The following DNAH11 variants were observed in gnomAD, a reference collection of about 807,000 sequenced individuals.
DNAH11 encodes the protein dynein axonemal heavy chain 11.
Under a neutral mutation model 526.0 loss-of-function variants are expected in DNAH11, and 442 were observed. The ratio of observed to expected loss-of-function variants is 0.84; its 90% CI spans 0.78 to 0.91. The LOEUF (loss-of-function observed/expected upper bound fraction) is 0.91. Among genes scored for constraint, DNAH11 ranks in the 40% least tolerant of loss-of-function variants. The pLI is 0.00. For missense variants in DNAH11, 6,989 were observed against 5,448.7 expected (o/e 1.28, Z -8.90); for synonymous variants, 2,461 against 1,935.9 (o/e 1.27, Z -7.12).
intron 23 of DNAH11, chr7:21,618,293 C>T (rs1466679169): frequency 6.6e-6 from 1 of 152,540 alleles, no homozygotes; most frequent in Admixed American, 6.5e-5. Context: ...GGCATTTGGT[C>T]CTCTTATGCA....
chr7:21,726,380 C>A (rs1191454628), intron 45 of DNAH11, among the ~76,000 whole-genome samples: 1 of 152,126 alleles, frequency 6.6e-6, no homozygotes, highest in African/African-American at 2.4e-5. Context: ...GATTACAATT[C>A]AACATGAGAT....
intron 40 of DNAH11, among the ~76,000 whole-genome samples, chr7:21,709,114 GAC>G (rs1784372238): frequency 6.6e-6 from 1 of 152,142 alleles, no homozygotes; most frequent in African/African-American, 2.4e-5. Flanking sequence ...CTACCAAAAA[GAC>G]ACATTCACTC....
chr7:21,744,195 T>C (rs1266406616), intron 49 of DNAH11, among the ~76,000 whole-genome samples: 1 of 152,240 alleles, frequency 6.6e-6, no homozygotes, highest in Non-Finnish European at 1.5e-5. Flanking sequence ...ATTTAGTGCC[T>C]GTGCTGGCAC....
At position 21,803,677 on chromosome 7, in the gene DNAH11, A is replaced by G. The variant is rs532920266; in HGVS notation, c.10165+2402A>G. The stretch of plus-strand genomic sequence containing the variant: ...GTCTGGAAAAGTGGGGAATGGGGCT[A>G]TCATCATTGAAGTCTGGAAAAGTGG... On this transcript the variant is annotated intron_variant, in intron 62 of 81. Coordinates refer to ENST00000409508, the MANE Select transcript of DNAH11 (RefSeq NM_001277115.2). Among the ~76,000 whole-genome samples the G allele has an allele frequency of 7.8e-4, 107 of 137,488 alleles. 3 individuals are homozygous for G. The highest frequency in any genetic ancestry group is 8.8e-4 in the Non-Finnish European group (56 of 63,586). 90.2% of individuals were successfully genotyped at this position (137,488 alleles called of 152,430 possible).
chr7:21,719,934 G>A (rs1344887246), intron 43 of DNAH11, among the ~76,000 whole-genome samples: 2 of 152,184 alleles, frequency 1.3e-5, no homozygotes, highest in Non-Finnish European at 2.9e-5. Context: ...CCCAGAACCT[G>A]TTCATTACTG....
chr7:21,631,490 A>G (rs1034625471), intron 25 of DNAH11, among the ~76,000 whole-genome samples: 25 of 152,236 alleles, frequency 1.6e-4, no homozygotes. Context: ...AAAGCAAGTT[A>G]GTTACTTCCT....
At chr7:21,710,853 A>G in intron 41 of DNAH11, 150 bp downstream of exon 41, 3 of 831,346 alleles carry the variant, frequency 3.6e-6, no homozygotes, top group Non-Finnish European at 5.2e-6. Flanking sequence ...TTTCCTGATA[A>G]TTTTCTTAAT....
chr7:21,786,789 A>G (rs1429179227), intron 59 of DNAH11, 22 bp downstream of exon 59: 2 of 1,612,762 alleles, frequency 1.2e-6, no homozygotes. Context: ...GCCTGGCAAG[A>G]TGAAAATCCT....
At chr7:21,710,981 G>A (rs1309406188) in intron 41 of DNAH11, among the ~76,000 whole-genome samples, 1 of 152,146 alleles carries the variant, frequency 6.6e-6, no homozygotes, top group Non-Finnish European at 1.5e-5. Flanking sequence ...CACTTTCTAA[G>A]AGGTAGCCGT....
intron 20 of DNAH11, among the ~76,000 whole-genome samples, chr7:21,611,474 A>T (rs925936253): frequency 6.6e-6 from 1 of 152,030 alleles, no homozygotes; most frequent in Non-Finnish European, 1.5e-5. Flanking sequence ...AACTTCCCTC[A>T]TGTATCTATT....
At chr7:21,850,732 T>C (rs115749479) in intron 66 of DNAH11, among the ~76,000 whole-genome samples, 175 of 151,586 alleles carry the variant, frequency 1.2e-3, no homozygotes, top group African/African-American at 3.9e-3. Flanking sequence ...TAGTGTGAGG[T>C]TTTATGTTTC....
In DNAH11 at chr7:21,558,170, G is replaced by A. The variant is rs115124218; in HGVS notation, c.496-632G>A. Reference sequence around the variant, plus strand: ...AAAAATGAAAAAATGTTTAAAATGAGTAGATACTTGAAGGGAAAGCAAGAA... The same window carrying A: ...AAAAATGAAAAAATGTTTAAAATGAATAGATACTTGAAGGGAAAGCAAGAA... On this transcript the variant is annotated intron_variant, in intron 2 of 81. Coordinates refer to ENST00000409508, the MANE Select transcript of DNAH11 (RefSeq NM_001277115.2). 5.9e-3 allele frequency among the ~76,000 whole-genome samples: 893 copies of A among 152,248 alleles called. 5 individuals are homozygous for A. Among genetic ancestry groups the A allele is most frequent in the African/African-American group, 0.02 (839 of 41,556 alleles).
intron 63 of DNAH11, among the ~76,000 whole-genome samples, chr7:21,813,330 A>G (rs944605053): frequency 2.0e-5 from 3 of 152,234 alleles, no homozygotes; most frequent in African/African-American, 7.2e-5. Flanking sequence ...GTTATTAGTT[A>G]TTAATTAGTT....
intron 67 of DNAH11, 65 bp from the exon 68 acceptor site, chr7:21,854,250 C>T (rs1055869390): frequency 9.1e-6 from 14 of 1,545,652 alleles, no homozygotes; most frequent in African/African-American, 2.8e-5. Flanking sequence ...TCCTTCCATT[C>T]CTTGGATATG....
Position 21,707,682 on chromosome 7 carries a change from T to G in DNAH11, c.6547-17T>G, listed in dbSNP as rs767684965. ...TGTTAGTATTAATTTTTTTGGCTCT[T>G]TCCTCCTTCCCCTCAGATTTTGAGA... On this transcript the variant is annotated splice_polypyrimidine_tract_variant and intron_variant, in intron 39 of 81. Transcript: ENST00000409508. The G allele has an allele frequency of 6.2e-7, 1 of 1,601,666 alleles. No individual in the cohort carries two copies.
At chr7:21,601,737 G>A (rs1003804300) in intron 18 of DNAH11, 119 bp downstream of exon 18, 4 of 696,174 alleles carry the variant, frequency 5.7e-6, no homozygotes, top group African/African-American at 3.7e-5. Flanking sequence ...CACATTTGAT[G>A]TTTTCAATTT....
At chr7:21,768,418 G>A (rs10268330) in intron 55 of DNAH11, among the ~76,000 whole-genome samples, 19,399 of 152,210 alleles carry the variant, frequency 0.13, 1,885 homozygotes, top group African/African-American at 0.26. Context: ...TGAAAGCAGA[G>A]CCAGATGAAA....
chr7:21,682,928 C>T (rs955692588), intron 31 of DNAH11, among the ~76,000 whole-genome samples: 2 of 152,158 alleles, frequency 1.3e-5, no homozygotes, highest in African/African-American at 4.8e-5. Flanking sequence ...CCTTGCAAAA[C>T]ATCGCTTACC....
At chr7:21,546,881 T>G (rs1362615249) in intron 2 of DNAH11, among the ~76,000 whole-genome samples, 2 of 152,154 alleles carry the variant, frequency 1.3e-5, no homozygotes, top group African/African-American at 4.8e-5. Flanking sequence ...TCAGTAATTG[T>G]ATTGAATGGT....
Sources: gnomAD v4.1 joint callset for allele counts (sites outside exome capture counted in the v4.1 genomes callset) on GRCh38, gnomAD v4.1.1 for gene constraint, MANE v1.5 for transcripts, NCBI Gene and HGNC (gene_info 2026-07-23, HGNC 2026-07-21) for gene names.